RTN1: variants seen among roughly 807,000 people sequenced by gnomAD.
The protein encoded by RTN1 is reticulon-1.
A neutral mutation model predicts 65.5 loss-of-function variants in RTN1; 25 were observed. The ratio of observed to expected loss-of-function variants is 0.38; its 90% CI spans 0.28 to 0.53. RTN1 has a LOEUF of 0.53. Among genes scored for constraint, RTN1 ranks in the 20% least tolerant of loss-of-function variants. The pLI is 0.79. For synonymous variants in RTN1, 471 were observed against 447.6 expected, an observed-to-expected ratio of 1.05 and a Z score of -0.66; for missense variants, 983 against 1,025.4, an observed-to-expected ratio of 0.96 and a Z score of 0.57.
intron 3 of RTN1, among the ~76,000 whole-genome samples, chr14:59,627,342 G>A (rs995061782): frequency 3.3e-5 from 5 of 152,222 alleles, no homozygotes; most frequent in African/African-American, 1.2e-4. Flanking sequence ...CTTGCAGCCA[G>A]CCTCTGGCAT....
intron 1 of RTN1, among the ~76,000 whole-genome samples, chr14:59,771,002 G>A (rs891075874): frequency 1.3e-5 from 2 of 150,760 alleles, no homozygotes; most frequent in Admixed American, 6.6e-5. Context: ...CCGATATGGC[G>A]CCACTGCACT....
Position 59,745,952 on chromosome 14 carries a change from T to C in RTN1, c.771A>G (p.Glu257=). The change falls in exon 2 of 9, where the codon GAA becomes GAG. Residue 257 remains glutamate (E), a synonymous_variant. Coordinates refer to ENST00000267484, the MANE Select transcript of RTN1 (RefSeq NM_021136.3). Reference sequence around the variant, plus strand: ...CATCTATGTATGGAGCAAATGTGGATTCTTCCAATAAATGGTCCTTGATGA... The same window carrying C: ...CATCTATGTATGGAGCAAATGTGGACTCTTCCAATAAATGGTCCTTGATGA... ...GKIIKDHLLE[E]STFAPYIDDL... is the part of the protein sequence containing the mutation. 1 of 1,614,146 alleles carries C rather than the reference T, an allele frequency of 6.2e-7. No homozygotes were observed. Among genetic ancestry groups the C allele is most frequent in the Middle Eastern group, 1.6e-4 (1 of 6,062 alleles).
At chr14:59,621,831 C>T (rs1478261078) in intron 3 of RTN1, among the ~76,000 whole-genome samples, 1 of 152,076 alleles carries the variant, frequency 6.6e-6, no homozygotes, top group Non-Finnish European at 1.5e-5. Flanking sequence ...AATGTATGAA[C>T]TGAAAAGACA....
chr14:59,675,074 CACAA>C (rs1883594688), intron 3 of RTN1, among the ~76,000 whole-genome samples: 1 of 151,820 alleles, frequency 6.6e-6, no homozygotes, highest in Non-Finnish European at 1.5e-5. Flanking sequence ...CACACACACA[CACAA>C]ACACACACAC....
At chr14:59,712,427 G>A (rs1884442954) in intron 3 of RTN1, among the ~76,000 whole-genome samples, 1 of 152,110 alleles carries the variant, frequency 6.6e-6, no homozygotes, top group Non-Finnish European at 1.5e-5. Context: ...ATGACAAATT[G>A]GGTCAGCTGG....
chr14:59,603,710 G>GT (rs1482516651), intron 6 of RTN1, 142 bp downstream of exon 6: 2 of 518,950 alleles, frequency 3.9e-6, no homozygotes, highest in African/African-American at 3.8e-5. Flanking sequence ...AACTATGATG[G>GT]TAAGAGAAGT....
In RTN1 at chr14:59,737,211, G is replaced by A. The variant is rs934183744; in HGVS notation, c.1015+8497C>T. Among the ~76,000 whole-genome samples the A allele has an allele frequency of 4.6e-5, 7 of 152,308 alleles. No homozygotes were observed. In the East Asian group the frequency reaches 9.6e-4, roughly 21 times the overall value. On this transcript the variant is annotated intron_variant, in intron 2 of 8. Transcript: ENST00000267484. ...AATAAATTGTTTTCAGATAGGAAGC[G>A]AGGAAATCTAACTATCTTTGTTTGC... is the stretch of plus-strand genomic sequence containing the variant.
intron 3 of RTN1, among the ~76,000 whole-genome samples, chr14:59,677,134 T>G (rs1388032957): frequency 6.6e-6 from 1 of 152,252 alleles, no homozygotes; most frequent in African/African-American, 2.4e-5. Context: ...CTCCTTCTGA[T>G]GCTTTCTGAC....
At chr14:59,677,865 G>A (rs574027681) in intron 3 of RTN1, among the ~76,000 whole-genome samples, 2 of 152,226 alleles carry the variant, frequency 1.3e-5, no homozygotes, top group South Asian at 4.2e-4. Context: ...GCAGTAATGT[G>A]GATTTTAGCT....
intron 1 of RTN1, among the ~76,000 whole-genome samples, chr14:59,806,662 T>A (rs1886644671): frequency 6.6e-6 from 1 of 152,192 alleles, no homozygotes; most frequent in Non-Finnish European, 1.5e-5. Context: ...TTCCCCTCCA[T>A]GTGTCCATGT....
chr14:59,784,273 T>A (rs1396039542), intron 1 of RTN1, among the ~76,000 whole-genome samples: 4 of 151,990 alleles, frequency 2.6e-5, no homozygotes, highest in Admixed American at 2.6e-4. Context: ...ACCTCGTCTC[T>A]ACTAAAAAAA....
At chr14:59,764,811 C>T (rs1885818509) in intron 1 of RTN1, among the ~76,000 whole-genome samples, 1 of 152,044 alleles carries the variant, frequency 6.6e-6, no homozygotes, top group African/African-American at 2.4e-5. Context: ...TTGCTTTCTA[C>T]CCCCTACACT....
At chr14:59,802,918 C>G (rs1465204211) in intron 1 of RTN1, among the ~76,000 whole-genome samples, 3 of 151,946 alleles carry the variant, frequency 2.0e-5, no homozygotes, top group Non-Finnish European at 4.4e-5. Context: ...ATGTAAATAC[C>G]TCCTAGAAGA....
chr14:59,685,517 A>T (rs1883828651), intron 3 of RTN1, among the ~76,000 whole-genome samples: 1 of 152,198 alleles, frequency 6.6e-6, no homozygotes, highest in Non-Finnish European at 1.5e-5. Context: ...ATTTCTATAC[A>T]TTAACAGTGA....
At chr14:59,678,475 T>C (rs1293488604) in intron 3 of RTN1, among the ~76,000 whole-genome samples, 2 of 152,242 alleles carry the variant, frequency 1.3e-5, no homozygotes, top group Non-Finnish European at 2.9e-5. Flanking sequence ...CAACTCTTAC[T>C]GACTCAGGGG....
In RTN1 at chr14:59,816,925, C is replaced by T. The variant is rs1228892542; in HGVS notation, c.241+53465G>A. ...TCCAGCCTGGGTGACAGAAAGAGAC[C>T]GTGACTCAAAATCAATTAATTAATA... On this transcript the variant is annotated intron_variant, in intron 1 of 8. Transcript: ENST00000267484. The surrounding 1 kb of genome is among the most constrained non-coding windows in gnomAD (Gnocchi z 4.3). 2.6e-5 allele frequency among the ~76,000 whole-genome samples: 4 copies of T among 151,996 alleles called. No homozygotes were observed. Among genetic ancestry groups the T allele is most frequent in the African/African-American group, 7.3e-5 (3 of 41,372 alleles).
intron 1 of RTN1, among the ~76,000 whole-genome samples, chr14:59,855,767 T>TA (rs1253252393): frequency 6.6e-6 from 1 of 152,220 alleles, no homozygotes; most frequent in Non-Finnish European, 1.5e-5. Flanking sequence ...AGGCTTCCTC[T>TA]AACACCACAT....
chr14:59,752,734 A>G (rs560675893), intron 1 of RTN1, among the ~76,000 whole-genome samples: 2 of 152,294 alleles, frequency 1.3e-5, no homozygotes, highest in East Asian at 3.9e-4. Context: ...AAATAAATAT[A>G]AATAAATGGA....
chr14:59,639,987 T>A (rs992708625), intron 3 of RTN1, among the ~76,000 whole-genome samples: 4 of 152,232 alleles, frequency 2.6e-5, no homozygotes, highest in African/African-American at 9.6e-5. Context: ...TCCTTCAATT[T>A]TCTTTTCTTG....
Sources: gnomAD v4.1 joint callset for allele counts (sites outside exome capture counted in the v4.1 genomes callset) on GRCh38, gnomAD v4.1.1 for gene constraint, Gnocchi (gnomAD v3.1) non-coding constraint, MANE v1.5 for transcripts, NCBI Gene and HGNC (gene_info 2026-07-23, HGNC 2026-07-21) for gene names.